DLGAP1: variants seen among roughly 807,000 people sequenced by gnomAD.
DLGAP1 encodes the protein DLG associated protein 1.
In DLGAP1, 11 loss-of-function variants were observed where a neutral mutation model predicts 90.8. The ratio of observed to expected loss-of-function variants is 0.12; its 90% CI spans 0.08 to 0.20. The LOEUF (loss-of-function observed/expected upper bound fraction) is 0.20, where lower values mean the gene tolerates loss of function less well. DLGAP1 is among the 10% of genes least tolerant of loss of function. DLGAP1 has a pLI of 1.00. For missense variants in DLGAP1, 1,050 were observed against 1,333.8 expected, an observed-to-expected ratio of 0.79 and a Z score of 3.31; for synonymous variants, 558 against 540.7, an observed-to-expected ratio of 1.03 and a Z score of -0.44.
chr18:4,000,867 GTTT>G (rs2074170220), intron 3 of DLGAP1, among the ~76,000 whole-genome samples: 1 of 152,148 alleles, frequency 6.6e-6, no homozygotes, highest in Non-Finnish European at 1.5e-5. Context: ...AAGGTCAATA[GTTT>G]TAGTAGACTG....
intron 7 of DLGAP1, among the ~76,000 whole-genome samples, chr18:3,583,187 T>TTCTTTCCTTCCC (rs2055660381): frequency 1.6e-5 from 2 of 124,054 alleles, no homozygotes; most frequent in African/African-American, 5.4e-5. Context: ...CCTACCTACC[T>TTCTTTCCTTCCC]TCCTTCCTTC....
At chr18:4,000,958 A>G (rs1187017613) in intron 3 of DLGAP1, among the ~76,000 whole-genome samples, 2 of 152,186 alleles carry the variant, frequency 1.3e-5, no homozygotes, top group Non-Finnish European at 1.5e-5. Flanking sequence ...TTTATGTCAG[A>G]AAAGCAGTCT....
intron 5 of DLGAP1, among the ~76,000 whole-genome samples, chr18:3,744,507 C>T (rs942683343): frequency 1.3e-5 from 2 of 152,130 alleles, no homozygotes; most frequent in African/African-American, 4.8e-5. Context: ...TAAATTTTCC[C>T]TAAATTTATC....
intron 3 of DLGAP1, among the ~76,000 whole-genome samples, chr18:3,895,121 T>C (rs62083563): frequency 0.077 from 11,736 of 152,216 alleles, 605 homozygotes; most frequent in Non-Finnish European, 0.1. Flanking sequence ...GCAGGTGCTA[T>C]TACTCTTGTA....
intron 3 of DLGAP1, among the ~76,000 whole-genome samples, chr18:3,969,998 C>T (rs933426326): frequency 3.3e-5 from 5 of 152,088 alleles, no homozygotes; most frequent in African/African-American, 4.8e-5. Flanking sequence ...TGTTGTGTTA[C>T]GATGTGGGTG....
chr18:3,742,407 T>G lies in DLGAP1; in HGVS notation c.1278A>C (p.Ala426=), dbSNP rs2063094871. ...INRSLDSLDP[A]GLLTSPKFRS... ...GGAACTTTGGTGATGTGAGCAAGCCTGCAGGGTCCAGGCTGTCCAGGCTCC... is the reference window on the plus strand; with the variant it reads ...GGAACTTTGGTGATGTGAGCAAGCCGGCAGGGTCCAGGCTGTCCAGGCTCC... The change falls in exon 6 of 13, where the codon GCA becomes GCC. Residue 426 remains alanine, a synonymous_variant. Coordinates refer to ENST00000315677, the MANE Select transcript of DLGAP1 (RefSeq NM_004746.4). The G allele has an allele frequency of 6.2e-7, 1 of 1,614,184 alleles. No individual in the cohort carries two copies. Among genetic ancestry groups the G allele is most frequent in the African/African-American group, 1.3e-5 (1 of 75,054 alleles).
At chr18:3,832,535 A>G (rs987497245) in intron 4 of DLGAP1, among the ~76,000 whole-genome samples, 1 of 152,220 alleles carries the variant, frequency 6.6e-6, no homozygotes, top group Non-Finnish European at 1.5e-5. Flanking sequence ...GAATCAATAG[A>G]AAAACATTGA....
chr18:3,900,366 C>G (rs2071754537), intron 3 of DLGAP1, among the ~76,000 whole-genome samples: 2 of 152,218 alleles, frequency 1.3e-5, no homozygotes, highest in Admixed American at 1.3e-4. Flanking sequence ...CTTTCCAGCA[C>G]AGATGTCTGT....
chr18:3,884,744 C>G (rs912444451), intron 3 of DLGAP1, among the ~76,000 whole-genome samples: 1 of 152,306 alleles, frequency 6.6e-6, no homozygotes, highest in East Asian at 1.9e-4. Context: ...ACAAGCACCT[C>G]TATTTTCTTG....
At chr18:3,643,209 C>T (rs935222802) in intron 7 of DLGAP1, among the ~76,000 whole-genome samples, 2 of 149,798 alleles carry the variant, frequency 1.3e-5, no homozygotes, top group Admixed American at 6.7e-5. Context: ...CTTTTGTATA[C>T]GTAGAAACGG....
At chr18:3,849,027 C>A (rs1281666396) in intron 4 of DLGAP1, among the ~76,000 whole-genome samples, 1 of 152,170 alleles carries the variant, frequency 6.6e-6, no homozygotes, top group Non-Finnish European at 1.5e-5. Flanking sequence ...GTGATCCAGC[C>A]GTGCTGGATT....
Position 3,549,310 on chromosome 18 carries a change from C to T in DLGAP1, c.2058-14695G>A, listed in dbSNP as rs114550466. On this transcript the variant is annotated intron_variant, in intron 9 of 12. Transcript: ENST00000315677. ...TTAGATTTCTCTCACCTTTCCAACA[C>T]TCCTATTCCTCACTTTCTCTCTCTC... 5.1e-3 allele frequency among the ~76,000 whole-genome samples: 777 copies of T among 151,544 alleles called. 6 individuals are homozygous for T. Among genetic ancestry groups the T allele is most frequent in the African/African-American group, 0.018 (724 of 41,198 alleles).
At chr18:3,523,575 C>T (rs76137587) in intron 10 of DLGAP1, among the ~76,000 whole-genome samples, 13,328 of 151,806 alleles carry the variant, frequency 0.088, 728 homozygotes, top group Non-Finnish European at 0.13. Context: ...CGACCAGGTG[C>T]GGTGGCTCAC....
intron 2 of DLGAP1, among the ~76,000 whole-genome samples, chr18:4,051,011 A>G (rs1383066893): frequency 6.6e-6 from 1 of 152,180 alleles, no homozygotes; most frequent in Admixed American, 6.5e-5. Context: ...GTGTTGTTAT[A>G]TGTCACTTGT....
At chr18:3,998,900 A>C (rs1460707995) in intron 3 of DLGAP1, among the ~76,000 whole-genome samples, 1 of 152,160 alleles carries the variant, frequency 6.6e-6, no homozygotes, top group South Asian at 2.1e-4. Flanking sequence ...TTTTACGGTC[A>C]CTTGGGAATA....
At chr18:4,414,982 A>C (rs2082859098) in intron 1 of DLGAP1, among the ~76,000 whole-genome samples, 1 of 152,144 alleles carries the variant, frequency 6.6e-6, no homozygotes, top group African/African-American at 2.4e-5. Context: ...GTGATATTAT[A>C]CAAAACAACA....
intron 8 of DLGAP1, among the ~76,000 whole-genome samples, chr18:3,569,483 C>T (rs1318194059): frequency 1.3e-5 from 2 of 151,924 alleles, no homozygotes; most frequent in East Asian, 2.0e-4. Flanking sequence ...TATCATGTGT[C>T]TTTTAAACTT....
At chr18:3,570,059 A>G (rs988477005) in intron 8 of DLGAP1, among the ~76,000 whole-genome samples, 4 of 151,978 alleles carry the variant, frequency 2.6e-5, no homozygotes, top group African/African-American at 9.7e-5. Flanking sequence ...GTACAGGTTT[A>G]TAGCCTAGGA....
chr18:3,580,739 G>C (rs552765466), intron 8 of DLGAP1: 1 of 1,612,638 alleles, frequency 6.2e-7, no homozygotes, highest in Non-Finnish European at 8.5e-7. Context: ...GGACAGCCAC[G>C]CACCATCCCC....
Sources: allele counts gnomAD v4.1 joint callset (sites outside exome capture counted in the v4.1 genomes callset), GRCh38; gene constraint gnomAD v4.1.1; transcripts MANE v1.5; gene names NCBI Gene and HGNC (gene_info 2026-07-23, HGNC 2026-07-21).